Variants in SLC19A1 observed in about 807,000 individuals in gnomAD.
SLC19A1 encodes the protein reduced folate transporter.
Under a neutral mutation model 35.3 loss-of-function variants are expected in SLC19A1, and 37 were observed. The observed-to-expected ratio is 1.05, with a 90% confidence interval of 0.81 to 1.38. The LOEUF is 1.38. Among genes scored for constraint, SLC19A1 ranks in the 40% most tolerant of loss-of-function variants. The probability of loss-of-function intolerance (pLI) is 0.00; values close to 1 mark genes in which losing one functional copy is unlikely to be tolerated. For missense variants in SLC19A1, 831 were observed against 826.9 expected (o/e 1.00, Z -0.06); for synonymous variants, 460 against 398.5 (o/e 1.15, Z -1.84).
chr21:45,536,826 G>A (rs373887872), intron 2 of SLC19A1, among the ~76,000 whole-genome samples: 102 of 152,280 alleles, frequency 6.7e-4, no homozygotes, highest in African/African-American at 2.4e-3. Context: ...GGGATGGGGT[G>A]TCGGGGTGAC....
Position 45,515,758 on chromosome 21 carries a change from G to A in SLC19A1, c.1676C>T (p.Ala559Val). The change falls in exon 6 of 6, where the codon GCA (alanine) becomes GTA (valine). Residue 559 changes from alanine to valine, a missense_variant. Coordinates refer to ENST00000311124, the MANE Select transcript of SLC19A1 (RefSeq NM_194255.4). ...CSAQASGPEA[A>V]DETCPQLAVH... ...AGCCAGCTGGGGACAAGTCTCATCTGCAGCCTCAGGGCCTGAGGCTTGGGC... is the reference window on the plus strand; with the variant it reads ...AGCCAGCTGGGGACAAGTCTCATCTACAGCCTCAGGGCCTGAGGCTTGGGC... The A allele has an allele frequency of 6.2e-7, 1 of 1,613,804 alleles. No homozygotes were observed.
chr21:45,515,785 G>A lies in SLC19A1; in HGVS notation c.1649C>T (p.Ser550Phe). ...AGCCTCAGGGCCTGAGGCTTGGGCG[G>A]AGCACAGAGTGCAGGGGGAAGGGGT... ...VTTPSPCTLC[S>F]AQASGPEAAD... The change falls in exon 6 of 6, where the codon TCC becomes TTC. Residue 550 changes from serine to phenylalanine, a missense_variant. Ser to Phe is a radical substitution (Grantham distance 155). Coordinates refer to ENST00000311124, the MANE Select transcript of SLC19A1 (RefSeq NM_194255.4). 6.2e-7 allele frequency: 1 copy of A among 1,613,696 alleles called. No homozygotes were observed. Among genetic ancestry groups the A allele is most frequent in the Non-Finnish European group, 8.5e-7 (1 of 1,179,960 alleles).
In SLC19A1 at chr21:45,507,304, G is replaced by T; in HGVS notation, c.498-8692C>A. On this transcript the variant is annotated intron_variant, in intron 3 of 4. Transcript: ENST00000417954. ...CTGGGAGGGCCGGGTGCTGGGCAGGGAGGGCACCCTCCTGTGGGCTGGCAG... is the reference window on the plus strand; with the variant it reads ...CTGGGAGGGCCGGGTGCTGGGCAGGTAGGGCACCCTCCTGTGGGCTGGCAG... The T allele has an allele frequency of 8.7e-6, 5 of 574,842 alleles. No homozygotes were observed. In the South Asian group the frequency reaches 9.4e-5, roughly 11 times the overall value. The allele number at this position is 574,842 out of a possible 1,614,324, so 35.6% of individuals were successfully genotyped here. A position where few individuals can be genotyped will look rare whatever the true frequency, so the allele number is the denominator to read the frequency against.
At chr21:45,548,269 G>A (rs1423821835), upstream of SLC19A1, among the ~76,000 whole-genome samples, 1 of 152,172 alleles carries the variant, frequency 6.6e-6, no homozygotes, top group Non-Finnish European at 1.5e-5. Context: ...ACTAATTTGA[G>A]ACCCAAACTA....
At chr21:45,511,090 T>TACAC (rs58188320), downstream of SLC19A1, 1 of 1,171,658 alleles carries the variant, frequency 8.5e-7, no homozygotes, top group South Asian at 1.3e-5. Flanking sequence ...CACACACACA[T>TACAC]ACACACGGTT....
Position 45,534,442 on chromosome 21 carries a change from C to T in SLC19A1, c.190-2294G>A. 1 of 1,013,834 alleles carries T rather than the reference C, an allele frequency of 9.9e-7. No homozygotes were observed. Among genetic ancestry groups the T allele is most frequent in the Non-Finnish European group, 1.5e-6 (1 of 682,192 alleles). The allele number at this position is 1,013,834 out of a possible 1,614,324, so 62.8% of individuals were successfully genotyped here. ...CGGGGCACAGGTTCTGCCCACAGCC[C>T]AGAGTCAAAATGGTAGACAGCCAGC... On this transcript the variant is annotated intron_variant, in intron 2 of 5. Transcript: ENST00000311124. This position sits in a 1 kb window ranked among gnomAD's most constrained non-coding sequence, Gnocchi z 4.2.
chr21:45,553,393 T>G (rs1283206081), intron 1 of SLC19A1, among the ~76,000 whole-genome samples: 1 of 151,692 alleles, frequency 6.6e-6, no homozygotes, highest in African/African-American at 2.4e-5. Flanking sequence ...CACGGCTCAG[T>G]GGGAGGCAGC....
rs183751952 is a variant in SLC19A1 at position 45,559,316 on chromosome 21, C to T, written c.-50+3426G>A. 2.6e-5 allele frequency among the ~76,000 whole-genome samples: 4 copies of T among 152,266 alleles called. No individual in the cohort carries two copies. The East Asian group carries it at 5.8e-4, about 22-fold the overall frequency. ...GTGAGTGTCGGTGTCCTGGGTCCAT[C>T]AGGGAATTGCCCCCATCTGTGTATT... On this transcript the variant is annotated intron_variant, in intron 1 of 5. Coordinates refer to the SLC19A1 transcript ENST00000650808.
At chr21:45,546,947 A>G (rs2078421988), upstream of SLC19A1, among the ~76,000 whole-genome samples, 1 of 152,222 alleles carries the variant, frequency 6.6e-6, no homozygotes, top group East Asian at 1.9e-4. Flanking sequence ...AGGAAGCGGC[A>G]GAGTCTCTGT....
chr21:45,516,091 A>T lies in SLC19A1; in HGVS notation c.1343T>A (p.Leu448Ter). ...CCGCAGGCCATCCAGCATGGCCCCCAAGAAGTAGATGATGGACAGGATCAG... is the reference window on the plus strand; with the variant it reads ...CCGCAGGCCATCCAGCATGGCCCCCTAGAAGTAGATGATGGACAGGATCAG... ...YFLILSIIYF[L>*]GAMLDGLRHC... The change falls in exon 6 of 6, where the codon TTG becomes TAG. Residue 448 changes from leucine (L) to a stop codon, truncating the protein, a stop_gained. Transcript: ENST00000311124. LOFTEE classifies it low-confidence loss of function (END_TRUNC). The T allele has an allele frequency of 1.2e-6, 2 of 1,604,072 alleles. No individual in the cohort carries two copies. Among genetic ancestry groups the T allele is most frequent in the Non-Finnish European group, 8.5e-7 (1 of 1,176,740 alleles).
chr21:45,505,916 G>C, intron 3 of SLC19A1: 4 of 1,613,100 alleles, frequency 2.5e-6, no homozygotes, highest in Non-Finnish European at 3.4e-6. Context: ...CTTCGTGGCC[G>C]AGCAGGAGGA....
chr21:45,532,224 G>A (rs1408089377), intron 2 of SLC19A1, 76 bp from the exon 3 acceptor site: 5 of 1,270,978 alleles, frequency 3.9e-6, no homozygotes, highest in Non-Finnish European at 5.5e-6. Context: ...CGCCCGAGGT[G>A]ATGGCTGCTG....
At chr21:45,532,200 C>A (rs749085791) in intron 2 of SLC19A1, 52 bp from the exon 3 acceptor site, 1 of 1,467,634 alleles carries the variant, frequency 6.8e-7, no homozygotes, top group Admixed American at 2.0e-5. Context: ...GCTGCCGCTG[C>A]GGCAGACACA....
At chr21:45,556,870 G>A (rs1010330907) in intron 1 of SLC19A1, among the ~76,000 whole-genome samples, 21 of 152,202 alleles carry the variant, frequency 1.4e-4, no homozygotes, top group Admixed American at 1.2e-3. Context: ...CACAGCAACC[G>A]GCCTGCACGT....
intron 3 of SLC19A1, among the ~76,000 whole-genome samples, chr21:45,503,190 G>C (rs947650346): frequency 1.1e-4 from 17 of 152,306 alleles, no homozygotes; most frequent in African/African-American, 3.8e-4. Context: ...CCCACCAACA[G>C]TGTAAAAGTG....
Position 45,533,086 on chromosome 21 carries a change from G to A in SLC19A1, c.190-938C>T, listed in dbSNP as rs1569006519. Reference sequence around the variant, plus strand: ...CTCCAACCCAGGAGCAGGGAGGGGGGCAAACGCCCCTGTAGCCGCCCTGCA... The same window carrying A: ...CTCCAACCCAGGAGCAGGGAGGGGGACAAACGCCCCTGTAGCCGCCCTGCA... On this transcript the variant is annotated intron_variant, in intron 2 of 5. Transcript: ENST00000311124. The surrounding 1 kb of genome is among the most constrained non-coding windows in gnomAD (Gnocchi z 4.5). Among the ~76,000 whole-genome samples the A allele has an allele frequency of 6.6e-6, 1 of 152,194 alleles. No homozygotes were observed. The highest frequency in any genetic ancestry group is 1.5e-5 in the Non-Finnish European group (1 of 68,026).
chr21:45,554,881 G>A (rs1250229748), intron 1 of SLC19A1, among the ~76,000 whole-genome samples: 1 of 151,876 alleles, frequency 6.6e-6, no homozygotes, highest in African/African-American at 2.4e-5. Context: ...AGCGGGCCCT[G>A]TTCCCGGCTT....
intron 3 of SLC19A1, chr21:45,506,123 AT>A: frequency 1.7e-6 from 2 of 1,187,904 alleles, no homozygotes; most frequent in Non-Finnish European, 2.4e-6. Flanking sequence ...GTTTAGTAAA[AT>A]ACTTTTGTGA....
intron 4 of SLC19A1, among the ~76,000 whole-genome samples, chr21:45,529,520 G>C (rs1030981784): frequency 6.6e-6 from 1 of 152,206 alleles, no homozygotes; most frequent in Non-Finnish European, 1.5e-5. Context: ...GAGCACACAG[G>C]GTCAGTGTCT....
Sources: allele counts gnomAD v4.1 joint callset (sites outside exome capture counted in the v4.1 genomes callset), GRCh38; gene constraint gnomAD v4.1.1; non-coding constraint Gnocchi (gnomAD v3.1); transcripts MANE v1.5; gene names NCBI Gene and HGNC (gene_info 2026-07-23, HGNC 2026-07-21).